The following FASTKD5 variants were observed in gnomAD, a reference collection of about 807,000 sequenced individuals.
The protein encoded by FASTKD5 is non-canonical pre-mRNAs endonuclease FASTKD5, mitochondrial.
A neutral mutation model predicts 44.0 loss-of-function variants in FASTKD5; 30 were observed. The ratio of observed to expected loss-of-function variants is 0.68; its 90% CI spans 0.51 to 0.93. FASTKD5 has a LOEUF of 0.93. FASTKD5 is among the 40% of genes least tolerant of loss of function. The probability of loss-of-function intolerance (pLI) is 0.00; values close to 1 mark genes in which losing one functional copy is unlikely to be tolerated. For missense variants in FASTKD5, 868 were observed against 908.2 expected, an observed-to-expected ratio of 0.96 and a Z score of 0.57; for synonymous variants, 335 against 342.2, an observed-to-expected ratio of 0.98 and a Z score of 0.23.
intron 1 of FASTKD5, chr20:3,156,911 C>T (rs2066691893): frequency 6.6e-6 from 1 of 152,152 alleles, no homozygotes; most frequent in Admixed American, 6.6e-5. Context: ...TAAATGAACA[C>T]TCCAACCCTA....
Position 3,147,958 on chromosome 20 carries a change from G to T in FASTKD5, c.1113C>A (p.Ile371=), listed in dbSNP as rs561877047. 1 of 1,614,190 alleles carries T rather than the reference G, an allele frequency of 6.2e-7. No homozygotes were observed. Among genetic ancestry groups the T allele is most frequent in the East Asian group, 2.2e-5 (1 of 44,890 alleles). ...TCTCTCCAATCTGCTTCATGAAATTGATGTGATCCACGTGAGTGAAACGGA... is the reference window on the plus strand; with the variant it reads ...TCTCTCCAATCTGCTTCATGAAATTTATGTGATCCACGTGAGTGAAACGGA... ...KMFRFTHVDH[I]NFMKQIGEIA... Residue 371 remains isoleucine (I), a synonymous_variant, in exon 2 of 2, where the codon ATC becomes ATA. Transcript: ENST00000380266.
At position 3,147,583 on chromosome 20, in the gene FASTKD5, T is replaced by C. The variant is rs1357467685; in HGVS notation, c.1488A>G (p.Pro496=). The C allele has an allele frequency of 1.2e-6, 2 of 1,614,046 alleles. No homozygotes were observed. The highest frequency in any genetic ancestry group is 1.7e-6 in the Non-Finnish European group (2 of 1,180,032). The stretch of plus-strand genomic sequence containing the variant: ...TCTCCTGAGCTAACCTGACAAACCC[T>C]GGACTGAGAGCGAAATCAATTAACT... ...PVELIDFALS[P]GFVRLAQERT... Residue 496 remains proline, a synonymous_variant, in exon 2 of 2, where the codon CCA becomes CCG. Coordinates refer to ENST00000380266, the MANE Select transcript of FASTKD5 (RefSeq NM_021826.5).
chr20:3,150,763 G>C (rs1345540913), intron 1 of FASTKD5: 1 of 152,158 alleles, frequency 6.6e-6, no homozygotes, highest in African/African-American at 2.4e-5. Context: ...TGTTCCAGTA[G>C]CCCAGCTACA....
chr20:3,156,760 G>C (rs1032464614), intron 1 of FASTKD5: 3 of 152,158 alleles, frequency 2.0e-5, no homozygotes, highest in Non-Finnish European at 2.9e-5. Context: ...GTTAGAGGAG[G>C]GGGGCCAGGC....
rs1461689726 is a variant in FASTKD5, at chr20:3,149,223, G to C, written c.-153C>G. On this transcript the variant is annotated 5_prime_UTR_variant, in exon 2 of 2. Coordinates refer to ENST00000380266, the MANE Select transcript of FASTKD5 (RefSeq NM_021826.5). The surrounding 1 kb of genome is among the most constrained non-coding windows in gnomAD (Gnocchi z 4.1). ...AATCTTCAGCATATCACAAGAGCCA[G>C]GGATCACAAATGACTGGGTCAGAAT... is the stretch of plus-strand genomic sequence containing the variant. The C allele has an allele frequency of 5.3e-6, 4 of 756,978 alleles. No individual in the cohort carries two copies. Among genetic ancestry groups the C allele is most frequent in the Non-Finnish European group, 8.4e-6 (4 of 474,988 alleles). 46.9% of individuals were successfully genotyped at this position (756,978 alleles called of 1,614,324 possible).
chr20:3,156,054 C>T (rs1190992545), intron 1 of FASTKD5, among the ~76,000 whole-genome samples: 1 of 152,076 alleles, frequency 6.6e-6, no homozygotes, highest in Non-Finnish European at 1.5e-5. Flanking sequence ...GTCAGGATGA[C>T]CAGATAGCGA....
At position 3,148,360 on chromosome 20, in the gene FASTKD5, C is replaced by T. The variant is rs1282473470; in HGVS notation, c.711G>A (p.Trp237Ter). The T allele has an allele frequency of 6.2e-7, 1 of 1,614,042 alleles. No homozygotes were observed. The highest frequency in any genetic ancestry group is 8.5e-7 in the Non-Finnish European group (1 of 1,180,058). The change falls in exon 2 of 2, where the codon TGG becomes TGA. Residue 237 changes from tryptophan to a stop codon, truncating the protein, a stop_gained. Transcript: ENST00000380266. LOFTEE classifies it high-confidence loss of function. ...VYETKCCHQV[W>*]EMNMDQLLLV... Reference sequence around the variant, plus strand: ...AAAGGAGCTGATCCATATTCATCTCCCATACCTGATGGCAACACTTGGTCT... The same window carrying T: ...AAAGGAGCTGATCCATATTCATCTCTCATACCTGATGGCAACACTTGGTCT...
chr20:3,158,851 A>C (rs995370377), intron 1 of FASTKD5, among the ~76,000 whole-genome samples: 1 of 152,270 alleles, frequency 6.6e-6, no homozygotes, highest in Non-Finnish European at 1.5e-5. Context: ...AGTGAGCTAC[A>C]GAATCTAGTT....
chr20:3,152,100 CAAAAAAAAA>C lies in FASTKD5; in HGVS notation c.-190-2849_-190-2841del, dbSNP rs60655157. Among the ~76,000 whole-genome samples, 18 of 62,886 alleles carry C rather than the reference CAAAAAAAAA, an allele frequency of 2.9e-4. No individual in the cohort carries two copies. The South Asian group carries it at 9.9e-3, about 35-fold the overall frequency. 41.3% of individuals were successfully genotyped at this position (62,886 alleles called of 152,430 possible). On this transcript the variant is annotated intron_variant, in intron 1 of 1. Coordinates refer to ENST00000380266, the MANE Select transcript of FASTKD5 (RefSeq NM_021826.5). The stretch of plus-strand genomic sequence containing the variant: ...AGCCTGGGTGACAGAGACTCTGTCT[CAAAAAAAAA>C]AAAAAAAAAAAAAGAACCAAAAAAA...
intron 1 of FASTKD5, among the ~76,000 whole-genome samples, chr20:3,159,408 G>A (rs139447321): frequency 1.3e-3 from 204 of 152,312 alleles, no homozygotes; most frequent in African/African-American, 4.6e-3. Context: ...ATCTCTAAGC[G>A]ATTCGCAGGC....
chr20:3,150,076 T>C (rs900981542), intron 1 of FASTKD5, among the ~76,000 whole-genome samples: 3 of 152,050 alleles, frequency 2.0e-5, no homozygotes, highest in Admixed American at 2.0e-4. Flanking sequence ...CCTGTTCTTA[T>C]AGCGCAAAAC....
chr20:3,146,729 A>G lies in FASTKD5; in HGVS notation c.*47T>C. 1 of 1,558,272 alleles carries G rather than the reference A, an allele frequency of 6.4e-7. No homozygotes were observed. The highest frequency in any genetic ancestry group is 1.4e-5 in the African/African-American group (1 of 72,962). ...TTATAATCATTTTGCAACACCTGGT[A>G]CAGTATACACCTATAGCTTTGCCAT... On this transcript the variant is annotated 3_prime_UTR_variant, in exon 2 of 2. Transcript: ENST00000380266.
At chr20:3,152,213 A>C (rs544074194) in intron 1 of FASTKD5, among the ~76,000 whole-genome samples, 1 of 151,158 alleles carries the variant, frequency 6.6e-6, no homozygotes, top group African/African-American at 2.4e-5. Flanking sequence ...GGGCACAGTG[A>C]CTCATGTCTG....
rs369980933 is a variant in FASTKD5, at chr20:3,148,810, C to A, written c.261G>T (p.Lys87Asn). 1.6e-5 allele frequency: 26 copies of A among 1,614,080 alleles called. No homozygotes were observed. Among genetic ancestry groups the A allele is most frequent in the Non-Finnish European group, 2.1e-5 (25 of 1,180,048 alleles). Residue 87 changes from lysine to asparagine, a missense_variant, in exon 2 of 2, where the codon AAG becomes AAT. Coordinates refer to ENST00000380266, the MANE Select transcript of FASTKD5 (RefSeq NM_021826.5). Reference protein sequence around the residue: ...GLEFSKTSSSKASTLQLGSPR... With the variant: ...GLEFSKTSSSNASTLQLGSPR... ...GTGAGCCCAGCTGCAATGTACTGGC[C>A]TTAGAGGAAGAAGTCTTGCTGAATT...
At chr20:3,155,259 G>A (rs2122129138) in intron 1 of FASTKD5, among the ~76,000 whole-genome samples, 1 of 152,146 alleles carries the variant, frequency 6.6e-6, no homozygotes, top group South Asian at 2.1e-4. Context: ...GCTGGGCACA[G>A]CGGCTCAAGT....
Position 3,148,674 on chromosome 20 carries a change from A to G in FASTKD5, c.397T>C (p.Ser133Pro), listed in dbSNP as rs758154400. The G allele has an allele frequency of 1.7e-5, 28 of 1,614,078 alleles. No homozygotes were observed. The highest frequency in any genetic ancestry group is 5.9e-6 in the Non-Finnish European group (7 of 1,180,044). Residue 133 changes from serine (S) to proline (P), a missense_variant, in exon 2 of 2, where the codon TCT (serine) becomes CCT (proline). Coordinates refer to ENST00000380266, the MANE Select transcript of FASTKD5 (RefSeq NM_021826.5). ...ACAGACAGGAGCTGAGAAGTCTCAG[A>G]TGCATTATAGCTGTGAACACGGTAT... ...PEYRVHSYNA[S>P]ETSQLLSVSE...
intron 1 of FASTKD5, among the ~76,000 whole-genome samples, chr20:3,155,052 CAAAAAA>C (rs11326176): frequency 5.1e-4 from 49 of 96,106 alleles, no homozygotes; most frequent in East Asian, 8.8e-4. Flanking sequence ...GACACAGTCT[CAAAAAA>C]AAAAAAAAAA....
rs540208105 is a variant in FASTKD5, at chr20:3,149,168, C to T, written c.-98G>A. 20 of 1,370,102 alleles carry T rather than the reference C, an allele frequency of 1.5e-5. No individual in the cohort carries two copies. Among genetic ancestry groups the T allele is most frequent in the African/African-American group, 1.5e-4 (10 of 68,754 alleles). The allele number at this position is 1,370,102 out of a possible 1,614,324, so 84.9% of individuals were successfully genotyped here. ...TATATGGTGCTTGATTAGAGCTGGA[C>T]GGGGAGGTGTTCCACAAAAACTGCC... On this transcript the variant is annotated 5_prime_UTR_variant, in exon 2 of 2. Coordinates refer to ENST00000380266, the MANE Select transcript of FASTKD5 (RefSeq NM_021826.5). The surrounding 1 kb of genome is among the most constrained non-coding windows in gnomAD (Gnocchi z 4.1).
At chr20:3,157,110 G>A (rs1485970756) in intron 1 of FASTKD5, among the ~76,000 whole-genome samples, 1 of 151,790 alleles carries the variant, frequency 6.6e-6, no homozygotes, top group Admixed American at 6.6e-5. Context: ...AAAAAAAAGG[G>A]CAAAAAAACC....
Sources: gnomAD v4.1 joint callset for allele counts (sites outside exome capture counted in the v4.1 genomes callset) on GRCh38, gnomAD v4.1.1 for gene constraint, Gnocchi (gnomAD v3.1) non-coding constraint, MANE v1.5 for transcripts, NCBI Gene and HGNC (gene_info 2026-07-23, HGNC 2026-07-21) for gene names.